ASIC2: variants seen among roughly 807,000 people sequenced by gnomAD.
The protein encoded by ASIC2 is acid sensing ion channel subunit 2.
ASIC2 carries 25 observed loss-of-function variants against 57.3 expected under a neutral mutation model. The ratio of observed to expected loss-of-function variants is 0.44; its 90% CI spans 0.32 to 0.61. The LOEUF is 0.61. Ranked by LOEUF, ASIC2 falls within the 20% of genes least tolerant of loss-of-function variation. The probability of loss-of-function intolerance (pLI) is 0.06; values close to 1 mark genes in which losing one functional copy is unlikely to be tolerated. For synonymous variants in ASIC2, 319 were observed against 307.5 expected (o/e 1.04, Z -0.39); for missense variants, 641 against 738.1 (o/e 0.87, Z 1.52).
At chr17:33,314,816 C>A (rs946220060) in intron 1 of ASIC2, among the ~76,000 whole-genome samples, 2 of 152,122 alleles carry the variant, frequency 1.3e-5, no homozygotes, top group East Asian at 3.9e-4. Context: ...AGGAAAATAG[C>A]CAGTGTGGAT....
intron 1 of ASIC2, among the ~76,000 whole-genome samples, chr17:34,010,006 T>C (rs1341418825): frequency 2.6e-5 from 4 of 152,154 alleles, no homozygotes; most frequent in Non-Finnish European, 4.4e-5. Flanking sequence ...GGAAATGAAA[T>C]TCCCGCTGTA....
chr17:33,590,800 A>G (rs1361378346), intron 1 of ASIC2, among the ~76,000 whole-genome samples: 1 of 152,202 alleles, frequency 6.6e-6, no homozygotes, highest in Non-Finnish European at 1.5e-5. Context: ...TTTCACTTAG[A>G]GTGTCCACAG....
At chr17:33,536,847 A>G (rs1323664809) in intron 1 of ASIC2, among the ~76,000 whole-genome samples, 4 of 152,196 alleles carry the variant, frequency 2.6e-5, no homozygotes, top group African/African-American at 9.6e-5. Context: ...TCTCTACAAA[A>G]AATTAGCCAG....
intron 1 of ASIC2, among the ~76,000 whole-genome samples, chr17:33,819,596 G>A (rs1912688303): frequency 6.6e-6 from 1 of 152,230 alleles, no homozygotes; most frequent in Admixed American, 6.5e-5. Context: ...GTGGAGCTAA[G>A]TGCAACATCA....
intron 1 of ASIC2, among the ~76,000 whole-genome samples, chr17:33,576,642 G>C (rs367650129): frequency 6.6e-6 from 1 of 152,164 alleles, no homozygotes; most frequent in Non-Finnish European, 1.5e-5. Flanking sequence ...ACCTGTGAAG[G>C]CCAAGTGAGC....
At chr17:33,585,652 C>T (rs1431522734) in intron 1 of ASIC2, among the ~76,000 whole-genome samples, 2 of 152,146 alleles carry the variant, frequency 1.3e-5, no homozygotes, top group Non-Finnish European at 2.9e-5. Context: ...CCGTGTAATG[C>T]TGCAGGGAAT....
At chr17:33,449,252 T>G (rs1912154706) in intron 1 of ASIC2, among the ~76,000 whole-genome samples, 1 of 152,104 alleles carries the variant, frequency 6.6e-6, no homozygotes, top group Non-Finnish European at 1.5e-5. Flanking sequence ...GTCTCATCAT[T>G]ATCTCCCCAG....
intron 1 of ASIC2, among the ~76,000 whole-genome samples, chr17:33,273,849 G>T (rs182264619): frequency 1.3e-5 from 2 of 151,778 alleles, no homozygotes; most frequent in African/African-American, 4.8e-5. Flanking sequence ...AAGACTAAAG[G>T]CAGAATGGGA....
rs144091337 is a variant in ASIC2 at position 34,089,538 on chromosome 17, G to C, written c.555+66440C>G. Among the ~76,000 whole-genome samples, 103 of 152,266 alleles carry C rather than the reference G, an allele frequency of 6.8e-4. No homozygotes were observed. In the East Asian group the frequency reaches 0.017, roughly 25 times the overall value. On this transcript the variant is annotated intron_variant, in intron 1 of 9. Coordinates refer to the ASIC2 transcript ENST00000359872. ...GCTCTTTTCAGACTGGCAATCCTGTGAACTCCAACTCCACTTGCTTTGTTA... is the reference window on the plus strand; with the variant it reads ...GCTCTTTTCAGACTGGCAATCCTGTCAACTCCAACTCCACTTGCTTTGTTA...
chr17:34,147,569 T>C (rs908960214), intron 1 of ASIC2, among the ~76,000 whole-genome samples: 1 of 152,202 alleles, frequency 6.6e-6, no homozygotes, highest in Non-Finnish European at 1.5e-5. Flanking sequence ...TTCTGAGCAT[T>C]GGAGACAGCT....
intron 1 of ASIC2, among the ~76,000 whole-genome samples, chr17:33,914,193 A>G (rs929099559): frequency 9.9e-5 from 15 of 152,232 alleles, no homozygotes; most frequent in Non-Finnish European, 2.1e-4. Flanking sequence ...CATATAGGAC[A>G]TCTACATTGC....
intron 1 of ASIC2, among the ~76,000 whole-genome samples, chr17:34,015,098 G>A (rs9892319): frequency 0.068 from 9,440 of 138,206 alleles, 922 homozygotes; most frequent in African/African-American, 0.22. Flanking sequence ...TTGTAGATAC[G>A]GGGCTTTGTT....
chr17:33,361,195 G>T (rs540975218), intron 1 of ASIC2, among the ~76,000 whole-genome samples: 106 of 152,296 alleles, frequency 7.0e-4, no homozygotes, highest in African/African-American at 2.5e-3. Flanking sequence ...ATAATGATGT[G>T]CTGTGTTCCC....
chr17:33,116,367 C>T (rs1026463595), intron 1 of ASIC2, among the ~76,000 whole-genome samples: 7 of 152,200 alleles, frequency 4.6e-5, no homozygotes, highest in Admixed American at 6.5e-5. Flanking sequence ...TAAGAACACA[C>T]GCTTCAAATT....
intron 1 of ASIC2, among the ~76,000 whole-genome samples, chr17:33,384,235 G>A (rs1005449692): frequency 1.3e-5 from 2 of 152,180 alleles, no homozygotes; most frequent in Non-Finnish European, 2.9e-5. Flanking sequence ...GAACATGATT[G>A]CCCTTTCCAA....
intron 3 of ASIC2, among the ~76,000 whole-genome samples, chr17:33,045,814 T>G (rs1176462761): frequency 6.6e-6 from 1 of 152,234 alleles, no homozygotes; most frequent in Non-Finnish European, 1.5e-5. Flanking sequence ...CCTCTTTTTC[T>G]TTTTATGGTT....
At chr17:34,059,030 G>A (rs962806913) in intron 1 of ASIC2, among the ~76,000 whole-genome samples, 21 of 152,130 alleles carry the variant, frequency 1.4e-4, no homozygotes, top group Non-Finnish European at 2.1e-4. Context: ...TTGCAGCTCC[G>A]GACAGAGCAG....
intron 1 of ASIC2, among the ~76,000 whole-genome samples, chr17:33,646,907 C>T (rs1040284752): frequency 6.6e-6 from 1 of 151,778 alleles, no homozygotes; most frequent in Non-Finnish European, 1.5e-5. Flanking sequence ...CAGTGAATGG[C>T]GCAGGGGGCA....
chr17:33,298,971 T>G (rs1597672281), intron 1 of ASIC2, among the ~76,000 whole-genome samples: 1 of 152,234 alleles, frequency 6.6e-6, no homozygotes, highest in Admixed American at 6.5e-5. Flanking sequence ...CATTCCATGC[T>G]CATGGATAAG....
Sources: gnomAD v4.1 joint callset for allele counts (sites outside exome capture counted in the v4.1 genomes callset) on GRCh38, gnomAD v4.1.1 for gene constraint, MANE v1.5 for transcripts, NCBI Gene and HGNC (gene_info 2026-07-23, HGNC 2026-07-21) for gene names.